RGS12: variants seen among roughly 807,000 people sequenced by gnomAD.
The protein encoded by RGS12 is regulator of G-protein signaling 12.
A neutral mutation model predicts 120.1 loss-of-function variants in RGS12; 66 were observed. The observed-to-expected ratio is 0.55, with a 90% CI of 0.45 to 0.67. RGS12 has a LOEUF of 0.67. Ranked by LOEUF, RGS12 falls within the 30% of genes least tolerant of loss-of-function variation. The pLI, the probability that RGS12 is intolerant of heterozygous loss-of-function variation, is 0.00. For missense variants in RGS12, 1,859 were observed against 1,957.7 expected, an observed-to-expected ratio of 0.95 and a Z score of 0.95; for synonymous variants, 827 against 804.7, an observed-to-expected ratio of 1.03 and a Z score of -0.47.
At chr4:3,351,235 G>T (rs1714326903) in intron 3 of RGS12, among the ~76,000 whole-genome samples, 1 of 151,924 alleles carries the variant, frequency 6.6e-6, no homozygotes, top group South Asian at 2.1e-4. Context: ...TTTTCAGGTT[G>T]CCTTGAATTA....
chr4:3,343,598 G>T (rs934177577), intron 3 of RGS12, among the ~76,000 whole-genome samples: 1 of 151,964 alleles, frequency 6.6e-6, no homozygotes, highest in Non-Finnish European at 1.5e-5. Flanking sequence ...GGCCAGTGTA[G>T]ACATATGATT....
At chr4:3,386,300 A>G (rs1718847473) in intron 3 of RGS12, 116 bp from the exon 4 acceptor site, 1 of 954,996 alleles carries the variant, frequency 1.0e-6, no homozygotes, top group Non-Finnish European at 1.7e-6. Context: ...CCACCTGGAG[A>G]GTGCCTCTGA....
At chr4:3,333,835 A>G (rs191731182) in intron 2 of RGS12, among the ~76,000 whole-genome samples, 3 of 152,254 alleles carry the variant, frequency 2.0e-5, no homozygotes, top group East Asian at 1.9e-4. Flanking sequence ...CCGAAATGCT[A>G]TTGATATTTT....
chr4:3,400,532 C>A (rs1316214500), intron 4 of RGS12, among the ~76,000 whole-genome samples: 1 of 151,768 alleles, frequency 6.6e-6, no homozygotes, highest in Non-Finnish European at 1.5e-5. Flanking sequence ...AATAGAATTA[C>A]TGATAAAAAG....
chr4:3,363,455 G>A lies in RGS12; in HGVS notation c.1998+20402G>A, dbSNP rs1040795237. ...TCCCCGAGAGACCCCAGGCCTTGTGGTTAGTTGACTCCCGGTAAGGAGCCG... is the reference window on the plus strand; with the variant it reads ...TCCCCGAGAGACCCCAGGCCTTGTGATTAGTTGACTCCCGGTAAGGAGCCG... On this transcript the variant is annotated intron_variant, in intron 3 of 17. Coordinates refer to ENST00000336727, the MANE Select transcript of RGS12 (RefSeq NM_001394154.1). Among the ~76,000 whole-genome samples, 7 of 152,098 alleles carry A rather than the reference G, an allele frequency of 4.6e-5. No individual in the cohort carries two copies. The East Asian group carries it at 1.4e-3, about 29-fold the overall frequency.
chr4:3,433,195 G>A lies in RGS12; in HGVS notation c.4114+2240G>A, dbSNP rs577642050. On this transcript the variant is annotated intron_variant, in intron 17 of 17. Transcript: ENST00000336727. The surrounding 1 kb of genome is among the most constrained non-coding windows in gnomAD (Gnocchi z 4.4). ...GAGCTTGGGGGTCATCCCGGGTCACGCTCTCCGACGTTGACAGTTGCTGTG... is the reference window on the plus strand; with the variant it reads ...GAGCTTGGGGGTCATCCCGGGTCACACTCTCCGACGTTGACAGTTGCTGTG... Among the ~76,000 whole-genome samples the A allele has an allele frequency of 2.6e-4, 40 of 152,310 alleles. No homozygotes were observed. The South Asian group carries it at 8.3e-3, about 32-fold the overall frequency.
Position 3,428,552 on chromosome 4 carries a change from A to G in RGS12, c.3412-6A>G. ...AAGTAGAACTTTGACTTTCCTTCTA[A>G]TGCAGGGAGAGGAAAGAACACTAGG... On this transcript the variant is annotated splice_region_variant and splice_polypyrimidine_tract_variant and intron_variant, in intron 15 of 17. Coordinates refer to ENST00000336727, the MANE Select transcript of RGS12 (RefSeq NM_001394154.1). The G allele has an allele frequency of 6.4e-7, 1 of 1,573,812 alleles. No homozygotes were observed. The highest frequency in any genetic ancestry group is 8.6e-7 in the Non-Finnish European group (1 of 1,165,748).
intron 2 of RGS12, among the ~76,000 whole-genome samples, chr4:3,330,354 G>A (rs368441542): frequency 1.3e-4 from 20 of 152,302 alleles, no homozygotes; most frequent in African/African-American, 4.8e-4. Context: ...TCTTTCATTA[G>A]CAAGTTTACA....
In RGS12 at chr4:3,421,161, C is replaced by G. The variant is rs555813737; in HGVS notation, c.2838+443C>G. Among the ~76,000 whole-genome samples the G allele has an allele frequency of 3.9e-5, 6 of 152,306 alleles. No homozygotes were observed. In the East Asian group the frequency reaches 1.2e-3, roughly 29 times the overall value. On this transcript the variant is annotated intron_variant, in intron 10 of 17. Transcript: ENST00000336727. ...CTGCCTGCGGGCCGCCTGTCTCACCCACACCCTCTCACACCTGCTCACTGC... is the reference window on the plus strand; with the variant it reads ...CTGCCTGCGGGCCGCCTGTCTCACCGACACCCTCTCACACCTGCTCACTGC...
At position 3,390,051 on chromosome 4, in the gene RGS12, G is replaced by A. The variant is rs553408953; in HGVS notation, c.2020+3614G>A. Among the ~76,000 whole-genome samples the A allele has an allele frequency of 2.0e-5, 3 of 152,152 alleles. No homozygotes were observed. The highest frequency in any genetic ancestry group is 4.1e-4 in the South Asian group (2 of 4,820). ...ATCCTCCCGCTCCCTTCTCCTGAAC[G>A]CTGGTGGTTGCCCCCACAGCAGCAG... is the stretch of plus-strand genomic sequence containing the variant. On this transcript the variant is annotated intron_variant, in intron 4 of 17. Transcript: ENST00000336727. This position sits in a 1 kb window ranked among gnomAD's most constrained non-coding sequence, Gnocchi z 4.6.
intron 4 of RGS12, among the ~76,000 whole-genome samples, chr4:3,399,725 A>G (rs1181656303): frequency 6.6e-6 from 1 of 152,264 alleles, no homozygotes; most frequent in East Asian, 1.9e-4. Context: ...GCCCAAACCA[A>G]TATACAGATG....
chr4:3,316,325 C>T lies in RGS12; in HGVS notation c.155C>T (p.Pro52Leu), dbSNP rs1412887964. The T allele has an allele frequency of 6.2e-7, 1 of 1,614,160 alleles. No homozygotes were observed. The highest frequency in any genetic ancestry group is 1.3e-5 in the African/African-American group (1 of 75,042). Residue 52 changes from proline (P) to leucine (L), a missense_variant, in exon 2 of 18, where the codon CCT becomes CTT. By Grantham distance (98) the Pro-to-Leu change is moderately conservative. Transcript: ENST00000336727. ...CTCAGCTGCGTCATGAGAGGGAGCCCTGCGGATTTCGTGGGCCTCCGAGCT... is the reference window on the plus strand; with the variant it reads ...CTCAGCTGCGTCATGAGAGGGAGCCTTGCGGATTTCGTGGGCCTCCGAGCT... ...CVLSCVMRGSPADFVGLRAGD... is the reference protein window; with the variant it reads ...CVLSCVMRGSLADFVGLRAGD...
rs1029374435 is a variant in RGS12 at position 3,416,833 on chromosome 4, A to G, written c.2428-80A>G. ...CAGGACAGGGCCAGTGGTTGCCTACAGGTCGCCAAGCAGCCTCGCGCCTGA... is the reference window on the plus strand; with the variant it reads ...CAGGACAGGGCCAGTGGTTGCCTACGGGTCGCCAAGCAGCCTCGCGCCTGA... On this transcript the variant is annotated intron_variant, in intron 7 of 17. Coordinates refer to ENST00000336727, the MANE Select transcript of RGS12 (RefSeq NM_001394154.1). 2.3e-6 allele frequency: 3 copies of G among 1,330,748 alleles called. No individual in the cohort carries two copies. In the African/African-American group the frequency reaches 4.4e-5, roughly 19 times the overall value. 82.4% of individuals were successfully genotyped at this position (1,330,748 alleles called of 1,614,324 possible).
At chr4:3,291,053 C>T (rs576413411), upstream of RGS12, among the ~76,000 whole-genome samples, 2 of 152,322 alleles carry the variant, frequency 1.3e-5, no homozygotes, top group South Asian at 4.1e-4. Flanking sequence ...GGCTCGGTGA[C>T]CCCTCGTATG....
intron 2 of RGS12, 120 bp from the exon 3 acceptor site, chr4:3,342,813 ATCTC>A: frequency 1.3e-6 from 1 of 775,764 alleles, no homozygotes; most frequent in Non-Finnish European, 2.2e-6. Context: ...TGACTTTTAA[ATCTC>A]TCTTTTTAAA....
intron 13 of RGS12, among the ~76,000 whole-genome samples, 188 bp from the exon 14 acceptor site, chr4:3,425,276 C>T (rs769135375): frequency 6.6e-6 from 1 of 152,008 alleles, no homozygotes; most frequent in Admixed American, 6.5e-5. Context: ...GTCGTGTAGT[C>T]GGGACCCATG....
intron 2 of RGS12, among the ~76,000 whole-genome samples, chr4:3,327,337 G>A (rs1301937483): frequency 6.6e-6 from 1 of 152,140 alleles, no homozygotes; most frequent in Non-Finnish European, 1.5e-5. Flanking sequence ...AAAAATACTA[G>A]AAGAAAACCT....
At chr4:3,430,315 C>A in intron 16 of RGS12, 92 bp from the exon 17 acceptor site, 2 of 1,199,020 alleles carry the variant, frequency 1.7e-6, no homozygotes, top group Non-Finnish European at 2.4e-6. Context: ...GTTAGGACAG[C>A]CCAGGATGAG....
At chr4:3,302,048 T>A (rs1224707129) in intron 1 of RGS12, among the ~76,000 whole-genome samples, 8 of 152,052 alleles carry the variant, frequency 5.3e-5, no homozygotes, top group African/African-American at 1.7e-4. Flanking sequence ...CTGCACAGAT[T>A]TAAAAACCAC....
Sources: allele counts gnomAD v4.1 joint callset (sites outside exome capture counted in the v4.1 genomes callset), GRCh38; gene constraint gnomAD v4.1.1; non-coding constraint Gnocchi (gnomAD v3.1); transcripts MANE v1.5; gene names NCBI Gene and HGNC (gene_info 2026-07-23, HGNC 2026-07-21).